The following PLAA variants were observed in gnomAD, a reference collection of about 807,000 sequenced individuals.
PLAA encodes the protein phospholipase A2 activating protein.
A neutral mutation model predicts 84.1 loss-of-function variants in PLAA; 48 were observed. That is an observed-to-expected ratio of 0.57 (90% CI 0.45 to 0.73). The LOEUF (loss-of-function observed/expected upper bound fraction) is 0.73. PLAA is among the 30% of genes least tolerant of loss of function. The pLI, the probability that PLAA is intolerant of heterozygous loss-of-function variation, is 0.00. For synonymous variants in PLAA, 392 were observed against 336.6 expected (o/e 1.16, Z -1.80); for missense variants, 903 against 954.7 (o/e 0.95, Z 0.71).
rs183843227 is a variant in PLAA at position 26,921,716 on chromosome 9, C to T, written c.1040-1332G>A. Among the ~76,000 whole-genome samples the T allele has an allele frequency of 2.6e-5, 4 of 152,276 alleles. No homozygotes were observed. The East Asian group carries it at 7.7e-4, about 29-fold the overall frequency. Reference sequence around the variant, plus strand: ...TCTTGTACTTTGAATGGATCTTTTACCCATGTCTGAGATGGTATCAGATAC... The same window carrying T: ...TCTTGTACTTTGAATGGATCTTTTATCCATGTCTGAGATGGTATCAGATAC... On this transcript the variant is annotated intron_variant, in intron 7 of 13. Transcript: ENST00000397292.
Position 26,946,965 on chromosome 9 carries a change from G to T in PLAA, c.81C>A (p.Cys27Ter), listed in dbSNP as rs953463637. The change falls in exon 1 of 14, where the codon TGC becomes TGA. Residue 27 changes from cysteine (C) to a stop codon, truncating the protein, a stop_gained. Transcript: ENST00000397292. LOFTEE classifies it high-confidence loss of function. ...ACACAAAGGCTCCCGGCGGATAGGC[G>T]CAGCACACCAGGCCCCGTACGTCCA... is the stretch of plus-strand genomic sequence containing the variant. ...HELDVRGLVC[C>*]AYPPGAFVSV... The T allele has an allele frequency of 2.5e-6, 4 of 1,590,536 alleles. No homozygotes were observed. The highest frequency in any genetic ancestry group is 2.6e-6 in the Non-Finnish European group (3 of 1,168,788).
At chr9:26,932,280 G>A (rs1193290056) in intron 2 of PLAA, among the ~76,000 whole-genome samples, 1 of 152,172 alleles carries the variant, frequency 6.6e-6, no homozygotes, top group African/African-American at 2.4e-5. Context: ...GAGGACGTGA[G>A]TGTCCTTATC....
At chr9:26,933,596 G>A (rs1587182365) in intron 2 of PLAA, among the ~76,000 whole-genome samples, 1 of 151,822 alleles carries the variant, frequency 6.6e-6, no homozygotes, top group African/African-American at 2.4e-5. Context: ...AGATCATCCT[G>A]GCTAACATGG....
chr9:26,926,196 A>C (rs1824953405), intron 5 of PLAA, among the ~76,000 whole-genome samples, 197 bp downstream of exon 5: 1 of 152,206 alleles, frequency 6.6e-6, no homozygotes. Flanking sequence ...CACAACATAA[A>C]TCTGAATTAA....
chr9:26,946,914 G>T lies in PLAA; in HGVS notation c.132C>A (p.Arg44=). Reference sequence around the variant, plus strand: ...GCGCTCACCTGTCTGGGGCCCAGAGGCGGGTGGTGCGGTCTCGGGACACGG... The same window carrying T: ...GCGCTCACCTGTCTGGGGCCCAGAGTCGGGTGGTGCGGTCTCGGGACACGG... ...FVSVSRDRTT[R]LWAPDSPNRS... The change falls in exon 1 of 14, where the codon CGC becomes CGA. Residue 44 remains arginine, a synonymous_variant. Coordinates refer to ENST00000397292, the MANE Select transcript of PLAA (RefSeq NM_001031689.3). 6.3e-7 allele frequency: 1 copy of T among 1,577,564 alleles called. No homozygotes were observed. Among genetic ancestry groups the T allele is most frequent in the South Asian group, 1.2e-5 (1 of 86,358 alleles).
intron 1 of PLAA, 105 bp from the exon 2 acceptor site, chr9:26,935,311 G>T (rs1825324875): frequency 1.6e-6 from 1 of 625,306 alleles, no homozygotes; most frequent in Admixed American, 3.4e-5. Flanking sequence ...ACAAACTTTA[G>T]AGTATATACT....
rs1037349757 is a variant in PLAA, at chr9:26,935,199, T to C, written c.157A>G (p.Arg53Gly). ...TRLWAPDSPN[R>G]SFTEMHCMSG... is the part of the protein sequence containing the mutation. ...ATACAGTGCATTTCTGTAAAGCTCC[T>C]GTTTGGACTGGAAAGACAAGATAAT... Residue 53 changes from arginine to glycine, a missense_variant, in exon 2 of 14, where the codon AGG (arginine) becomes GGG (glycine). Physicochemically the swap from Arg to Gly is moderately radical, Grantham distance 125 (BLOSUM62 -2). Coordinates refer to ENST00000397292, the MANE Select transcript of PLAA (RefSeq NM_001031689.3). 4 of 1,555,020 alleles carry C rather than the reference T, an allele frequency of 2.6e-6. No individual in the cohort carries two copies. The highest frequency in any genetic ancestry group is 3.5e-6 in the Non-Finnish European group (4 of 1,157,378).
At chr9:26,944,563 C>A (rs1439854715) in intron 1 of PLAA, among the ~76,000 whole-genome samples, 1 of 152,056 alleles carries the variant, frequency 6.6e-6, no homozygotes, top group Non-Finnish European at 1.5e-5. Flanking sequence ...ATAAAATACA[C>A]TAATAATTAC....
At chr9:26,938,699 A>C (rs955487330) in intron 1 of PLAA, among the ~76,000 whole-genome samples, 1 of 152,216 alleles carries the variant, frequency 6.6e-6, no homozygotes, top group Non-Finnish European at 1.5e-5. Flanking sequence ...AAAGATCTCA[A>C]TAATGGTAAA....
chr9:26,916,009 C>T (rs1824543138), intron 10 of PLAA: 1 of 985,358 alleles, frequency 1.0e-6, no homozygotes, highest in Non-Finnish European at 1.2e-6. Context: ...CCTTAACAGC[C>T]ACTGTGCCAT....
At chr9:26,915,843 G>A (rs1243210338) in intron 10 of PLAA, 1 of 985,116 alleles carries the variant, frequency 1.0e-6, no homozygotes, top group Non-Finnish European at 1.2e-6. Context: ...TGTTCTTTCT[G>A]TTCCAGAAAA....
At chr9:26,916,870 A>T (rs967471018) in intron 10 of PLAA, among the ~76,000 whole-genome samples, 3 of 152,218 alleles carry the variant, frequency 2.0e-5, no homozygotes, top group Admixed American at 2.0e-4. Flanking sequence ...CCTGGAGAAA[A>T]CAATGAATTC....
intron 10 of PLAA, chr9:26,915,756 G>C (rs1824530472): frequency 2.0e-6 from 2 of 984,968 alleles, no homozygotes; most frequent in Non-Finnish European, 2.4e-6. Context: ...CTGACATTAT[G>C]GAACAGTGAG....
intron 1 of PLAA, among the ~76,000 whole-genome samples, chr9:26,939,868 T>C (rs553736258): frequency 6.6e-6 from 1 of 152,280 alleles, no homozygotes; most frequent in East Asian, 1.9e-4. Flanking sequence ...TTATAAACAT[T>C]TATGCACATA....
intron 1 of PLAA, among the ~76,000 whole-genome samples, chr9:26,945,042 G>A (rs1175584737): frequency 6.6e-6 from 1 of 152,040 alleles, no homozygotes; most frequent in African/African-American, 2.4e-5. Flanking sequence ...CAAGAGAATC[G>A]CTTGAACCCC....
intron 10 of PLAA, among the ~76,000 whole-genome samples, chr9:26,914,320 A>G (rs572543915): frequency 1.4e-4 from 22 of 152,330 alleles, no homozygotes; most frequent in African/African-American, 4.8e-4. Context: ...AGAGTTAGAG[A>G]TACTATGACA....
chr9:26,922,888 A>T (rs138826413), intron 7 of PLAA, among the ~76,000 whole-genome samples: 2 of 152,132 alleles, frequency 1.3e-5, no homozygotes, highest in Non-Finnish European at 2.9e-5. Flanking sequence ...CAGAGAATCC[A>T]ATCAACCAAA....
intron 11 of PLAA, 61 bp downstream of exon 11, chr9:26,913,818 A>G (rs1824466070): frequency 1.6e-6 from 2 of 1,221,588 alleles, no homozygotes; most frequent in South Asian, 1.4e-5. Flanking sequence ...TACTCTTTTT[A>G]TTAAAGTTCC....
chr9:26,942,172 T>C (rs758997468), intron 1 of PLAA, among the ~76,000 whole-genome samples: 3 of 152,228 alleles, frequency 2.0e-5, no homozygotes, highest in Non-Finnish European at 4.4e-5. Context: ...TTATTACTGA[T>C]GCACTACATT....
Sources: gnomAD v4.1 joint callset for allele counts (sites outside exome capture counted in the v4.1 genomes callset) on GRCh38, gnomAD v4.1.1 for gene constraint, MANE v1.5 for transcripts, NCBI Gene and HGNC (gene_info 2026-07-23, HGNC 2026-07-21) for gene names.